Variants in SMC1B observed in about 807,000 individuals in gnomAD.
SMC1B encodes the protein structural maintenance of chromosomes 1B, also known as structural maintenance of chromosomes protein 1B.
A neutral mutation model predicts 157.9 loss-of-function variants in SMC1B; 60 were observed. That is an observed-to-expected ratio of 0.38 (90% CI 0.31 to 0.47). SMC1B has a LOEUF of 0.47. Ranked by LOEUF, SMC1B falls within the 20% of genes least tolerant of loss-of-function variation. The pLI is 0.99. For missense variants in SMC1B, 1,165 were observed against 1,426.2 expected (o/e 0.82, Z 2.95); for synonymous variants, 445 against 483.0 (o/e 0.92, Z 1.03).
chr22:45,388,336 T>G (rs554287300), intron 10 of SMC1B, among the ~76,000 whole-genome samples: 2 of 152,308 alleles, frequency 1.3e-5, no homozygotes, highest in South Asian at 4.1e-4. Flanking sequence ...TACTAAGGAA[T>G]CAGGCATTAT....
intron 12 of SMC1B, among the ~76,000 whole-genome samples, chr22:45,372,941 C>T (rs1417044128): frequency 6.6e-6 from 1 of 152,074 alleles, no homozygotes; most frequent in Non-Finnish European, 1.5e-5. Flanking sequence ...TCTCGATCTC[C>T]TGATCTTGTG....
At position 45,389,377 on chromosome 22, in the gene SMC1B, C is replaced by G. The variant is rs954883999; in HGVS notation, c.1731+335G>C. 2.0e-5 allele frequency among the ~76,000 whole-genome samples: 3 copies of G among 152,276 alleles called. No homozygotes were observed. The South Asian group carries it at 6.2e-4, about 32-fold the overall frequency. ...GGCTGAGTTGGCATTTCCAACAGAC[C>G]ATACGTCTTATCCATTTCCTATACT... On this transcript the variant is annotated intron_variant, in intron 10 of 24. Transcript: ENST00000357450.
chr22:45,397,008 A>C (rs1243924219), intron 6 of SMC1B, among the ~76,000 whole-genome samples: 1 of 152,212 alleles, frequency 6.6e-6, no homozygotes, highest in Non-Finnish European at 1.5e-5. Context: ...GTAATCGACA[A>C]ACAACCACAT....
chr22:45,381,977 T>C (rs773600897), intron 12 of SMC1B, among the ~76,000 whole-genome samples: 1 of 152,182 alleles, frequency 6.6e-6, no homozygotes, highest in Non-Finnish European at 1.5e-5. Context: ...TTGGCTTCAA[T>C]AAATGAGGGA....
chr22:45,390,401 T>C (rs2087043592), intron 9 of SMC1B, among the ~76,000 whole-genome samples: 1 of 152,138 alleles, frequency 6.6e-6, no homozygotes, highest in Non-Finnish European at 1.5e-5. Flanking sequence ...ACCAGGTTGG[T>C]ATAAGAAGTC....
intron 4 of SMC1B, among the ~76,000 whole-genome samples, chr22:45,404,674 T>C (rs529181607): frequency 1.5e-4 from 23 of 152,218 alleles, no homozygotes; most frequent in Admixed American, 4.6e-4. Context: ...AGAAAATCTT[T>C]GAATCCACCT....
chr22:45,378,063 A>G (rs1478580587), intron 12 of SMC1B, among the ~76,000 whole-genome samples: 2 of 151,826 alleles, frequency 1.3e-5, no homozygotes, highest in Non-Finnish European at 2.9e-5. Flanking sequence ...CCAGTCTGTG[A>G]TTCCTCTATT....
chr22:45,394,561 C>G (rs1389271629), intron 8 of SMC1B, 124 bp downstream of exon 8: 1 of 1,175,886 alleles, frequency 8.5e-7, no homozygotes. Context: ...ATGTGAGCCC[C>G]GGAAGTTGAG....
intron 19 of SMC1B, among the ~76,000 whole-genome samples, chr22:45,357,714 C>G (rs996889724): frequency 1.3e-5 from 2 of 152,130 alleles, no homozygotes; most frequent in African/African-American, 4.8e-5. Flanking sequence ...TTAAAGTAAC[C>G]AATATATTTA....
chr22:45,396,575 T>A, intron 6 of SMC1B, 89 bp from the exon 7 acceptor site: 1 of 1,102,174 alleles, frequency 9.1e-7, no homozygotes, highest in Non-Finnish European at 1.3e-6. Context: ...TAGAAGATAA[T>A]TAATCTTCCC....
intron 13 of SMC1B, 103 bp downstream of exon 13, chr22:45,372,052 A>C: frequency 9.1e-7 from 1 of 1,094,928 alleles, no homozygotes; most frequent in Non-Finnish European, 1.3e-6. Context: ...CTCAGGAAAA[A>C]AAAAAAAGTA....
At chr22:45,369,638 G>T (rs1174744672) in intron 15 of SMC1B, among the ~76,000 whole-genome samples, 1 of 150,032 alleles carries the variant, frequency 6.7e-6, no homozygotes, top group Non-Finnish European at 1.5e-5. Context: ...CGCCTCCTGG[G>T]TTCACACCAT....
intron 13 of SMC1B, 139 bp from the exon 14 acceptor site, chr22:45,371,726 A>G: frequency 4.8e-6 from 5 of 1,051,170 alleles, no homozygotes; most frequent in Non-Finnish European, 6.5e-6. Flanking sequence ...AAGGTTAAAT[A>G]CCACATAAAT....
intron 12 of SMC1B, among the ~76,000 whole-genome samples, chr22:45,380,070 A>C (rs2086921478): frequency 6.6e-6 from 1 of 152,130 alleles, no homozygotes; most frequent in Non-Finnish European, 1.5e-5. Context: ...TTTTTGTCAC[A>C]TGGAGTACGT....
intron 23 of SMC1B, among the ~76,000 whole-genome samples, chr22:45,346,211 C>A (rs944066603): frequency 6.6e-6 from 1 of 152,174 alleles, no homozygotes; most frequent in Non-Finnish European, 1.5e-5. Context: ...CATCTAACAA[C>A]AAGAAGAGCA....
At chr22:45,346,874 G>A (rs1050260390) in intron 23 of SMC1B, among the ~76,000 whole-genome samples, 4 of 152,146 alleles carry the variant, frequency 2.6e-5, no homozygotes, top group Non-Finnish European at 5.9e-5. Context: ...ATTCAGCAAC[G>A]GAGTATCAGA....
At chr22:45,408,526 G>A (rs1472815508) in intron 2 of SMC1B, among the ~76,000 whole-genome samples, 184 bp downstream of exon 2, 2 of 152,072 alleles carry the variant, frequency 1.3e-5, no homozygotes, top group African/African-American at 4.8e-5. Context: ...GACATAATTG[G>A]AGAAATATGT....
intron 17 of SMC1B, 67 bp from the exon 18 acceptor site, chr22:45,360,025 T>A (rs114160772): frequency 8.1e-7 from 1 of 1,231,296 alleles, no homozygotes; most frequent in African/African-American, 1.5e-5. Context: ...GGAAGAAAAA[T>A]GTATGCTATA....
chr22:45,347,207 TCCCAGCTACCATGTCCTGTTTCCTC>T (rs1054786260), intron 23 of SMC1B, among the ~76,000 whole-genome samples: 17 of 152,122 alleles, frequency 1.1e-4, no homozygotes, highest in East Asian at 3.9e-4. Flanking sequence ...CCTGTTTCCT[TCCCAGCTACCATGTCCTGTTTCCTC>T]CCCAGCTACC....
Sources: gnomAD v4.1 joint callset for allele counts (sites outside exome capture counted in the v4.1 genomes callset) on GRCh38, gnomAD v4.1.1 for gene constraint, MANE v1.5 for transcripts, NCBI Gene and HGNC (gene_info 2026-07-23, HGNC 2026-07-21) for gene names.